The following GOLM2 variants were observed in gnomAD, a reference collection of about 807,000 sequenced individuals.
GOLM2 encodes protein GOLM2.
A neutral mutation model predicts 55.9 loss-of-function variants in GOLM2; 26 were observed. That is an observed-to-expected ratio of 0.47 (90% CI 0.34 to 0.65). GOLM2 has a LOEUF of 0.65. GOLM2 is among the 30% of genes least tolerant of loss of function. The pLI, the probability that GOLM2 is intolerant of heterozygous loss-of-function variation, is 0.01. For synonymous variants in GOLM2, 165 were observed against 194.6 expected (o/e 0.85, Z 1.27); for missense variants, 486 against 531.8 (o/e 0.91, Z 0.85).
chr15:44,415,624 A>G lies in GOLM2; in HGVS notation c.*2218A>G, dbSNP rs2079668670. ...AGTCTGTATTAGACATACTGTTTTT[A>G]TAATGTTTTACTTCTGCCTTAAGAT... On this transcript the variant is annotated 3_prime_UTR_variant, in exon 10 of 10. Transcript: ENST00000299957. The G allele has an allele frequency of 6.6e-6, 1 of 152,616 alleles. No individual in the cohort carries two copies. The highest frequency in any genetic ancestry group is 2.1e-4 in the South Asian group (1 of 4,834). The allele number at this position is 152,616 out of a possible 1,614,324, so 9.5% of individuals were successfully genotyped here.
intron 6 of GOLM2, among the ~76,000 whole-genome samples, chr15:44,345,276 A>AT (rs559512939): frequency 2.7e-3 from 371 of 137,496 alleles, no homozygotes; most frequent in Middle Eastern, 0.012. Flanking sequence ...CATCCAGCTA[A>AT]TTTTTTTTTT....
intron 6 of GOLM2, among the ~76,000 whole-genome samples, chr15:44,358,895 G>C (rs757723461): frequency 6.6e-6 from 1 of 152,162 alleles, no homozygotes; most frequent in Non-Finnish European, 1.5e-5. Flanking sequence ...GGTGGCTCAC[G>C]CCTGTAATGC....
intron 1 of GOLM2, among the ~76,000 whole-genome samples, chr15:44,319,904 A>C (rs992286496): frequency 2.0e-5 from 3 of 152,094 alleles, no homozygotes; most frequent in Admixed American, 2.0e-4. Flanking sequence ...TGTTTGTTTT[A>C]CATTTTAAAA....
intron 6 of GOLM2, chr15:44,345,906 G>C (rs1161628420): frequency 1.3e-5 from 2 of 151,804 alleles, no homozygotes; most frequent in African/African-American, 4.8e-5. Context: ...TTTTGTGTGT[G>C]TGTGTGTGTG....
intron 1 of GOLM2, among the ~76,000 whole-genome samples, chr15:44,294,910 A>G (rs2078746096): frequency 6.6e-6 from 1 of 151,636 alleles, no homozygotes; most frequent in Non-Finnish European, 1.5e-5. Context: ...AAAAAAAAAG[A>G]AACCAAGGTC....
chr15:44,369,206 A>ATGTG lies in GOLM2; in HGVS notation c.803-10458_803-10455dup, dbSNP rs551489001. 4.5e-3 allele frequency among the ~76,000 whole-genome samples: 494 copies of ATGTG among 110,186 alleles called. 2 individuals are homozygous for ATGTG. The highest frequency in any genetic ancestry group is 0.018 in the African/African-American group (439 of 25,080). 72.3% of individuals were successfully genotyped at this position (110,186 alleles called of 152,430 possible). On this transcript the variant is annotated intron_variant, in intron 6 of 9. Coordinates refer to ENST00000299957, the MANE Select transcript of GOLM2 (RefSeq NM_138423.4). Reference sequence around the variant, plus strand: ...GATATGTGTGTGTATATATATATATATGTGTGTGTGTGTGTGTGTGTGTGT... The same window carrying ATGTG: ...GATATGTGTGTGTATATATATATATATGTGTGTGTGTGTGTGTGTGTGTGTGTGT...
chr15:44,298,400 A>G (rs1166091948), intron 1 of GOLM2, among the ~76,000 whole-genome samples: 4 of 148,700 alleles, frequency 2.7e-5, no homozygotes, highest in Admixed American at 2.7e-4. Flanking sequence ...AGTAGCTGGG[A>G]TTATAGGCAC....
At chr15:44,324,547 A>C (rs968722169) in intron 2 of GOLM2, among the ~76,000 whole-genome samples, 7 of 152,248 alleles carry the variant, frequency 4.6e-5, no homozygotes, top group Non-Finnish European at 7.4e-5. Flanking sequence ...GTTTTCTTTG[A>C]AATTAATATC....
intron 8 of GOLM2, among the ~76,000 whole-genome samples, chr15:44,387,051 T>G (rs908577061): frequency 2.0e-5 from 3 of 151,940 alleles, no homozygotes; most frequent in Non-Finnish European, 4.4e-5. Context: ...GGCATGCACC[T>G]GTAGTCCCCG....
chr15:44,407,512 G>A (rs1275384111), intron 9 of GOLM2, among the ~76,000 whole-genome samples: 1 of 151,834 alleles, frequency 6.6e-6, no homozygotes, highest in Non-Finnish European at 1.5e-5. Flanking sequence ...CTGGACTCAA[G>A]CAATCAGGCC....
At chr15:44,310,452 C>CTA (rs1395160711) in intron 1 of GOLM2, among the ~76,000 whole-genome samples, 1 of 137,256 alleles carries the variant, frequency 7.3e-6, no homozygotes, top group Non-Finnish European at 1.5e-5. Flanking sequence ...CTCTCTCTCT[C>CTA]TCTATATATA....
At chr15:44,379,466 AG>A (rs1226760526) in intron 6 of GOLM2, among the ~76,000 whole-genome samples, 1 of 152,104 alleles carries the variant, frequency 6.6e-6, no homozygotes, top group African/African-American at 2.4e-5. Context: ...AGACAGGGCA[AG>A]ACTCTGTCCC....
chr15:44,382,413 G>A (rs188470632), intron 8 of GOLM2, among the ~76,000 whole-genome samples: 70 of 151,876 alleles, frequency 4.6e-4, no homozygotes, highest in Admixed American at 4.1e-3. Flanking sequence ...TGCAACCTCC[G>A]CCTCCCAGGT....
chr15:44,366,020 G>A (rs1409359699), intron 6 of GOLM2, among the ~76,000 whole-genome samples: 1 of 152,068 alleles, frequency 6.6e-6, no homozygotes, highest in Non-Finnish European at 1.5e-5. Context: ...AGTCTTGGCC[G>A]AGCGCGGTGG....
intron 1 of GOLM2, among the ~76,000 whole-genome samples, chr15:44,291,104 C>CTTTTT: frequency 7.7e-6 from 1 of 129,350 alleles, no homozygotes; most frequent in Non-Finnish European, 1.7e-5. Flanking sequence ...TGCCCAGCCT[C>CTTTTT]TTTTTTTTTT....
intron 9 of GOLM2, among the ~76,000 whole-genome samples, chr15:44,408,895 C>T (rs572433026): frequency 6.6e-6 from 1 of 152,168 alleles, no homozygotes; most frequent in South Asian, 2.1e-4. Context: ...ACCTAGGAGG[C>T]GGAGCTTGCA....
chr15:44,342,438 G>T (rs1195314704), intron 6 of GOLM2, among the ~76,000 whole-genome samples: 2 of 151,786 alleles, frequency 1.3e-5, no homozygotes, highest in East Asian at 1.9e-4. Flanking sequence ...TAATTTTATT[G>T]TTGTTGTTTG....
intron 6 of GOLM2, among the ~76,000 whole-genome samples, chr15:44,351,670 A>G (rs1055188908): frequency 5.3e-5 from 8 of 151,938 alleles, no homozygotes; most frequent in Admixed American, 5.3e-4. Flanking sequence ...GTGATGTTAT[A>G]TTTGGAAAAA....
chr15:44,409,718 C>T (rs2079623885), intron 9 of GOLM2: 1 of 148,486 alleles, frequency 6.7e-6, no homozygotes, highest in East Asian at 2.0e-4. Flanking sequence ...ACCAGCCTAA[C>T]CAACATGGTA....
Sources: allele counts gnomAD v4.1 joint callset (sites outside exome capture counted in the v4.1 genomes callset), GRCh38; gene constraint gnomAD v4.1.1; transcripts MANE v1.5; gene names NCBI Gene and HGNC (gene_info 2026-07-23, HGNC 2026-07-21).